Variants in HEXB observed in about 807,000 individuals in gnomAD.
HEXB encodes the protein hexosaminidase subunit beta.
Under a neutral mutation model 71.2 loss-of-function variants are expected in HEXB, and 51 were observed. That is an observed-to-expected ratio of 0.72 (90% confidence interval 0.57 to 0.90). The LOEUF (loss-of-function observed/expected upper bound fraction) is 0.90, where lower values mean the gene tolerates loss of function less well. Among genes scored for constraint, HEXB ranks in the 40% least tolerant of loss-of-function variants. The pLI, the probability that HEXB is intolerant of heterozygous loss-of-function variation, is 0.00. For synonymous variants in HEXB, 266 were observed against 249.3 expected (o/e 1.07, Z -0.63); for missense variants, 617 against 677.0 (o/e 0.91, Z 0.98).
In HEXB at chr5:74,691,665, G is replaced by A. The variant is rs143055159; in HGVS notation, c.446-1974G>A. 2.3e-3 allele frequency among the ~76,000 whole-genome samples: 345 copies of A among 152,294 alleles called. 1 individual carries two copies. The highest frequency in any genetic ancestry group is 8.0e-3 in the African/African-American group (332 of 41,550). ...ATTTTCTCCTTCCGTGTACATCTAT[G>A]TCAAGCCTAAGAAAATGCCCGATAA... On this transcript the variant is annotated intron_variant, in intron 2 of 13. Coordinates refer to ENST00000261416, the MANE Select transcript of HEXB (RefSeq NM_000521.4).
At chr5:74,651,742 G>C (rs1229496389) in intron 1 of HEXB, among the ~76,000 whole-genome samples, 3 of 152,156 alleles carry the variant, frequency 2.0e-5, no homozygotes, top group African/African-American at 4.8e-5. Flanking sequence ...GCATCTCTGT[G>C]CTTTTCCTCT....
At position 74,661,990 on chromosome 5, in the gene HEXB, G is replaced by A. The variant is rs550589433; in HGVS notation, c.-377+21432G>A. Among the ~76,000 whole-genome samples the A allele has an allele frequency of 2.6e-5, 4 of 152,154 alleles. No homozygotes were observed. The East Asian group carries it at 5.8e-4, about 22-fold the overall frequency. On this transcript the variant is annotated intron_variant, in intron 1 of 13. Coordinates refer to the HEXB transcript ENST00000511181. ...TATTTGATCTTTATGACAACCCTAC[G>A]ATTACGAGAGGAATAGATACTCTTT...
intron 1 of HEXB, among the ~76,000 whole-genome samples, chr5:74,642,343 A>C (rs1013736881): frequency 4.6e-5 from 7 of 152,074 alleles, no homozygotes; most frequent in African/African-American, 1.7e-4. Context: ...AGAACCACGT[A>C]TGGAGAGCCA....
chr5:74,698,180 C>A (rs1349256444), intron 5 of HEXB, among the ~76,000 whole-genome samples: 1 of 151,728 alleles, frequency 6.6e-6, no homozygotes, highest in African/African-American at 2.4e-5. Context: ...CAGGTTCAAG[C>A]AATTCTCCTG....
chr5:74,659,881 C>T (rs993018200), intron 1 of HEXB, among the ~76,000 whole-genome samples: 1 of 152,092 alleles, frequency 6.6e-6, no homozygotes, highest in Non-Finnish European at 1.5e-5. Flanking sequence ...CTTCTGAAGT[C>T]AAAGCAAACT....
At position 74,720,509 on chromosome 5, in the gene HEXB, CA is replaced by C. The variant is rs781226219; in HGVS notation, c.1501del (p.Arg501AspfsTer29). ...TATGTGGATGCAACTAACCTCACTCCAAGATTATGGTATGGGATTTACCTGA... is the reference window on the plus strand; with the variant it reads ...TATGTGGATGCAACTAACCTCACTCCAGATTATGGTATGGGATTTACCTGA... Reference protein sequence around the residue: ...GEYVDATNLTPRLWPRASAVG... With the variant: ...GEYVDATNLTXRLWPRASAVG... On this transcript the variant is annotated frameshift_variant, in exon 12 of 14. Transcript: ENST00000261416. LOFTEE classifies it high-confidence loss of function. The C allele has an allele frequency of 6.2e-7, 1 of 1,611,168 alleles. No homozygotes were observed. The highest frequency in any genetic ancestry group is 1.1e-5 in the South Asian group (1 of 91,018).
chr5:74,716,916 A>G, intron 9 of HEXB: 2 of 354,700 alleles, frequency 5.6e-6, no homozygotes, highest in South Asian at 2.6e-5. Flanking sequence ...TGGGCTGGGC[A>G]TGGTGGCTCA....
intron 1 of HEXB, among the ~76,000 whole-genome samples, chr5:74,670,793 A>G (rs375318559): frequency 6.6e-6 from 1 of 152,228 alleles, no homozygotes; most frequent in African/African-American, 2.4e-5. Flanking sequence ...GGTTTGCAAC[A>G]CGCCTGGTCC....
At chr5:74,716,882 G>C in intron 9 of HEXB, 1 of 432,518 alleles carries the variant, frequency 2.3e-6, no homozygotes, top group Non-Finnish European at 4.3e-6. Context: ...TAGGAAGGCA[G>C]TCATCTGTTC....
chr5:74,658,182 A>G (rs1025824269), intron 1 of HEXB, among the ~76,000 whole-genome samples: 15 of 152,128 alleles, frequency 9.9e-5, no homozygotes, highest in African/African-American at 3.6e-4. Context: ...CAGCATTAGG[A>G]GGGCATTCCT....
chr5:74,671,569 G>A (rs1434739972), intron 1 of HEXB, among the ~76,000 whole-genome samples: 1 of 152,096 alleles, frequency 6.6e-6, no homozygotes, highest in Non-Finnish European at 1.5e-5. Flanking sequence ...TTGCAAAAGG[G>A]CCTGAAGAAA....
intron 10 of HEXB, 49 bp from the exon 11 acceptor site, chr5:74,718,748 C>A (rs893683840): frequency 6.5e-7 from 1 of 1,539,328 alleles, no homozygotes; most frequent in East Asian, 2.2e-5. Flanking sequence ...TCAATTTCAT[C>A]TACTGTTCTA....
intron 1 of HEXB, among the ~76,000 whole-genome samples, chr5:74,654,626 G>C (rs1748182785): frequency 6.6e-6 from 1 of 152,140 alleles, no homozygotes; most frequent in Non-Finnish European, 1.5e-5. Flanking sequence ...TTCTGAGCTG[G>C]GTATGAGAGT....
chr5:74,673,793 A>T (rs765448081), intron 1 of HEXB, among the ~76,000 whole-genome samples: 1 of 152,178 alleles, frequency 6.6e-6, no homozygotes, highest in Non-Finnish European at 1.5e-5. Context: ...TCCATCCGGC[A>T]TGCAGCTTCC....
At chr5:74,672,905 C>A (rs1357146965) in intron 1 of HEXB, among the ~76,000 whole-genome samples, 3 of 152,194 alleles carry the variant, frequency 2.0e-5, no homozygotes, top group African/African-American at 7.2e-5. Context: ...ACTTTGCCCC[C>A]AGTCTGGAGA....
chr5:74,721,019 T>TTTAAG (rs1181885872), intron 13 of HEXB, 99 bp from the exon 14 acceptor site: 7 of 1,062,446 alleles, frequency 6.6e-6, no homozygotes, highest in Non-Finnish European at 1.0e-5. Flanking sequence ...GTGATTCTAA[T>TTTAAG]TTAAGTTTCT....
chr5:74,703,753 C>G (rs567516880), intron 5 of HEXB, among the ~76,000 whole-genome samples: 1 of 152,278 alleles, frequency 6.6e-6, no homozygotes, highest in East Asian at 1.9e-4. Context: ...GCAGTCTCAA[C>G]CTCCCAGGCT....
At chr5:74,653,876 C>T (rs1302525287) in intron 1 of HEXB, among the ~76,000 whole-genome samples, 10 of 152,016 alleles carry the variant, frequency 6.6e-5, no homozygotes, top group Admixed American at 3.9e-4. Flanking sequence ...TAGGTCACAT[C>T]TTCAAAGAGC....
At chr5:74,717,478 A>G (rs1405232286) in intron 9 of HEXB, among the ~76,000 whole-genome samples, 1 of 64,864 alleles carries the variant, frequency 1.5e-5, no homozygotes, top group Non-Finnish European at 2.5e-5. Flanking sequence ...TGAAAAATGC[A>G]TATATATATA....
Sources: gnomAD v4.1 joint callset for allele counts (sites outside exome capture counted in the v4.1 genomes callset) on GRCh38, gnomAD v4.1.1 for gene constraint, MANE v1.5 for transcripts, NCBI Gene and HGNC (gene_info 2026-07-23, HGNC 2026-07-21) for gene names.